Variants in ZNF704 observed in about 807,000 individuals in gnomAD.
The protein encoded by ZNF704 is glucocorticoid induced gene 1.
Under a neutral mutation model 44.7 loss-of-function variants are expected in ZNF704, and 10 were observed. The ratio of observed to expected loss-of-function variants is 0.22; its 90% CI spans 0.14 to 0.38. The LOEUF is 0.38. Among genes scored for constraint, ZNF704 ranks in the 10% least tolerant of loss-of-function variants. ZNF704 has a pLI of 1.00. For missense variants in ZNF704, 390 were observed against 545.5 expected, an observed-to-expected ratio of 0.71 and a Z score of 2.84; for synonymous variants, 211 against 207.6, an observed-to-expected ratio of 1.02 and a Z score of -0.14.
At chr8:80,777,866 G>C (rs1188351967) in intron 2 of ZNF704, among the ~76,000 whole-genome samples, 2 of 148,268 alleles carry the variant, frequency 1.3e-5, no homozygotes, top group Non-Finnish European at 3.0e-5. Flanking sequence ...GCGACAGAGT[G>C]AGGCTGCGAC....
chr8:80,755,742 G>A (rs1162710922), intron 2 of ZNF704, among the ~76,000 whole-genome samples: 1 of 152,122 alleles, frequency 6.6e-6, no homozygotes, highest in Non-Finnish European at 1.5e-5. Flanking sequence ...TCAGTCCCAG[G>A]ACACTGAATA....
Position 80,743,474 on chromosome 8 carries a change from A to T in ZNF704, c.222-50367T>A, listed in dbSNP as rs181118646. Among the ~76,000 whole-genome samples, 93 of 152,340 alleles carry T rather than the reference A, an allele frequency of 6.1e-4. 1 individual carries two copies. The highest frequency in any genetic ancestry group is 2.1e-3 in the African/African-American group (88 of 41,580). ...CTCCACATGTAATGATAAATAAATA[A>T]ATATAAACTAAATGTTGTCTGGAGA... is the stretch of plus-strand genomic sequence containing the variant. On this transcript the variant is annotated intron_variant, in intron 2 of 8. Coordinates refer to ENST00000327835, the MANE Select transcript of ZNF704 (RefSeq NM_001033723.3).
intron 2 of ZNF704, among the ~76,000 whole-genome samples, chr8:80,702,588 T>C (rs751082169): frequency 1.1e-4 from 17 of 151,874 alleles, no homozygotes; most frequent in Non-Finnish European, 2.1e-4. Context: ...GACTGGGCAA[T>C]GTGTGAAGGT....
intron 6 of ZNF704, among the ~76,000 whole-genome samples, chr8:80,662,115 A>G (rs1818111241): frequency 6.6e-6 from 1 of 152,186 alleles, no homozygotes; most frequent in South Asian, 2.1e-4. Context: ...AAGAAGATTC[A>G]TTGGCATGGG....
At chr8:80,728,681 G>T (rs945801260) in intron 2 of ZNF704, among the ~76,000 whole-genome samples, 10 of 152,186 alleles carry the variant, frequency 6.6e-5, no homozygotes, top group African/African-American at 2.2e-4. Context: ...TGGGTCTGGG[G>T]TTTGCAGCCA....
At chr8:80,859,005 C>T (rs1188084701) in intron 1 of ZNF704, among the ~76,000 whole-genome samples, 1 of 152,150 alleles carries the variant, frequency 6.6e-6, no homozygotes, top group African/African-American at 2.4e-5. Flanking sequence ...ATTCTATAAT[C>T]TTACTTTTTG....
At chr8:80,795,571 A>G (rs1161799030) in intron 2 of ZNF704, among the ~76,000 whole-genome samples, 1 of 152,174 alleles carries the variant, frequency 6.6e-6, no homozygotes, top group Non-Finnish European at 1.5e-5. Context: ...AAATGCCTCA[A>G]TAGACTGCAT....
chr8:80,840,563 C>T (rs1375892045), intron 1 of ZNF704, among the ~76,000 whole-genome samples: 1 of 152,142 alleles, frequency 6.6e-6, no homozygotes, highest in Non-Finnish European at 1.5e-5. Context: ...TTGCTTCATA[C>T]ATATTATTTC....
At chr8:80,768,190 A>G (rs1178063297) in intron 2 of ZNF704, among the ~76,000 whole-genome samples, 1 of 152,194 alleles carries the variant, frequency 6.6e-6, no homozygotes, top group Admixed American at 6.5e-5. Context: ...AGTAAGTGTG[A>G]TTAATCAGAT....
intron 8 of ZNF704, among the ~76,000 whole-genome samples, chr8:80,642,632 C>T (rs1051160787): frequency 1.3e-5 from 2 of 152,122 alleles, no homozygotes; most frequent in African/African-American, 4.8e-5. Flanking sequence ...ACTGAAACCA[C>T]AGAAAAGTAA....
chr8:80,692,099 A>G (rs1349640279), intron 3 of ZNF704, among the ~76,000 whole-genome samples: 4 of 152,128 alleles, frequency 2.6e-5, no homozygotes, highest in African/African-American at 7.2e-5. Context: ...CCATAGCCTC[A>G]GCATAAAGTC....
At chr8:80,686,893 C>A (rs1369863980) in intron 4 of ZNF704, among the ~76,000 whole-genome samples, 3 of 151,964 alleles carry the variant, frequency 2.0e-5, no homozygotes, top group Admixed American at 2.0e-4. Flanking sequence ...AAAATAAGTC[C>A]CACGAAGAGA....
At chr8:80,698,283 G>A (rs1400631947) in intron 2 of ZNF704, among the ~76,000 whole-genome samples, 1 of 152,146 alleles carries the variant, frequency 6.6e-6, no homozygotes, top group Non-Finnish European at 1.5e-5. Context: ...GATTTGATGA[G>A]GACCAACCTA....
chr8:80,819,448 A>G lies in ZNF704; in HGVS notation c.221+1926T>C, dbSNP rs553812875. On this transcript the variant is annotated intron_variant, in intron 2 of 8. Coordinates refer to ENST00000327835, the MANE Select transcript of ZNF704 (RefSeq NM_001033723.3). Reference sequence around the variant, plus strand: ...TGATTAATTCCAGGTCTTTTAACATATACAATGGTCTAATGGAAATTTTAT... The same window carrying G: ...TGATTAATTCCAGGTCTTTTAACATGTACAATGGTCTAATGGAAATTTTAT... Among the ~76,000 whole-genome samples the G allele has an allele frequency of 6.8e-4, 103 of 152,246 alleles. No homozygotes were observed. In the South Asian group the frequency reaches 0.019, roughly 28 times the overall value.
chr8:80,651,685 C>G (rs1436145106), intron 7 of ZNF704, among the ~76,000 whole-genome samples: 2 of 152,160 alleles, frequency 1.3e-5, no homozygotes, highest in Non-Finnish European at 2.9e-5. Flanking sequence ...TAGAGACCTA[C>G]AAAGAGACTT....
At chr8:80,717,060 G>A (rs1022518672) in intron 2 of ZNF704, among the ~76,000 whole-genome samples, 2 of 152,208 alleles carry the variant, frequency 1.3e-5, no homozygotes, top group Admixed American at 6.5e-5. Flanking sequence ...AATAGCTCCA[G>A]TATTTAAAGC....
intron 2 of ZNF704, among the ~76,000 whole-genome samples, chr8:80,750,294 C>T (rs1381566372): frequency 2.6e-5 from 4 of 151,098 alleles, no homozygotes; most frequent in Admixed American, 6.6e-5. Flanking sequence ...TGTAACACAA[C>T]GCTACTCAAT....
chr8:80,763,739 C>T (rs1274890259), intron 2 of ZNF704, among the ~76,000 whole-genome samples: 5 of 152,176 alleles, frequency 3.3e-5, no homozygotes, highest in African/African-American at 9.7e-5. Flanking sequence ...AAATAGGTTT[C>T]TCTTTTCTAT....
chr8:80,677,745 T>C (rs1209618110), intron 4 of ZNF704, among the ~76,000 whole-genome samples: 1 of 152,162 alleles, frequency 6.6e-6, no homozygotes, highest in East Asian at 1.9e-4. Context: ...CAATAAATAT[T>C]TGTTATGTTC....
Sources: gnomAD v4.1 joint callset for allele counts (sites outside exome capture counted in the v4.1 genomes callset) on GRCh38, gnomAD v4.1.1 for gene constraint, MANE v1.5 for transcripts, NCBI Gene and HGNC (gene_info 2026-07-23, HGNC 2026-07-21) for gene names.